The following PIEZO2 variants were observed in gnomAD, a reference collection of about 807,000 sequenced individuals.
The protein encoded by PIEZO2 is piezo type mechanosensitive ion channel component 2.
A neutral mutation model predicts 337.3 loss-of-function variants in PIEZO2; 172 were observed. The observed-to-expected ratio is 0.51, with a 90% CI of 0.45 to 0.58. The LOEUF is 0.58. PIEZO2 is among the 20% of genes least tolerant of loss of function. The pLI is 0.00. For synonymous variants in PIEZO2, 1,251 were observed against 1,228.5 expected, an observed-to-expected ratio of 1.02 and a Z score of -0.38; for missense variants, 3,028 against 3,391.3, an observed-to-expected ratio of 0.89 and a Z score of 2.66.
intron 2 of PIEZO2, among the ~76,000 whole-genome samples, chr18:11,000,698 A>T (rs1280691762): frequency 2.6e-5 from 4 of 152,224 alleles, no homozygotes; most frequent in Non-Finnish European, 5.9e-5. Context: ...GTACCTTGTA[A>T]TATCAGTGTC....
At chr18:11,034,153 T>C (rs2036838341) in intron 2 of PIEZO2, among the ~76,000 whole-genome samples, 1 of 151,666 alleles carries the variant, frequency 6.6e-6, no homozygotes, top group Admixed American at 6.6e-5. Flanking sequence ...CTTATTGTGC[T>C]GCTCCTCTCT....
intron 3 of PIEZO2, among the ~76,000 whole-genome samples, chr18:10,967,262 C>A (rs1462358412): frequency 6.6e-6 from 1 of 152,084 alleles, no homozygotes; most frequent in Non-Finnish European, 1.5e-5. Flanking sequence ...CATGATCCAC[C>A]TGCCTCGGCC....
At chr18:10,814,077 C>T (rs1352614148) in intron 7 of PIEZO2, among the ~76,000 whole-genome samples, 1 of 151,864 alleles carries the variant, frequency 6.6e-6, no homozygotes, top group East Asian at 1.9e-4. Context: ...ATGCCATCCT[C>T]CTGCCTCAGC....
At chr18:10,764,586 T>C (rs1024608714) in intron 21 of PIEZO2, among the ~76,000 whole-genome samples, 2 of 72,858 alleles carry the variant, frequency 2.7e-5, no homozygotes, top group Non-Finnish European at 5.2e-5. Context: ...TGACACTACG[T>C]CTCAAAAAAA....
At chr18:11,017,439 T>A (rs531580821) in intron 2 of PIEZO2, among the ~76,000 whole-genome samples, 1 of 151,926 alleles carries the variant, frequency 6.6e-6, no homozygotes, top group East Asian at 1.9e-4. Context: ...AACACAATCT[T>A]TATGAAAGCA....
At chr18:10,702,427 C>G (rs140488514) in intron 42 of PIEZO2, among the ~76,000 whole-genome samples, 34 of 152,244 alleles carry the variant, frequency 2.2e-4, no homozygotes, top group African/African-American at 8.2e-4. Context: ...CTCAGGGCAC[C>G]GCTTTGATTA....
At chr18:10,849,752 T>C (rs549157081) in intron 7 of PIEZO2, among the ~76,000 whole-genome samples, 1 of 152,232 alleles carries the variant, frequency 6.6e-6, no homozygotes, top group Non-Finnish European at 1.5e-5. Context: ...AAATTCCCTA[T>C]GAAAATACAA....
rs369864393 is a variant in PIEZO2, at chr18:10,895,985, G to A, written c.329+15201C>T. On this transcript the variant is annotated intron_variant, in intron 4 of 55. Coordinates refer to ENST00000674853, the MANE Select transcript of PIEZO2 (RefSeq NM_001378183.1). This position sits in a 1 kb window ranked among gnomAD's most constrained non-coding sequence, Gnocchi z 4.8. ...TGAGGCAAGAGAATCTCTTGAACCC[G>A]GGAGGCGAAGGTTGCAGTGAGCCAA... 7.9e-5 allele frequency among the ~76,000 whole-genome samples: 12 copies of A among 151,676 alleles called. No individual in the cohort carries two copies. The East Asian group carries it at 1.2e-3, about 15-fold the overall frequency.
chr18:10,867,885 C>A (rs2042046919), intron 5 of PIEZO2, among the ~76,000 whole-genome samples: 1 of 152,042 alleles, frequency 6.6e-6, no homozygotes, highest in African/African-American at 2.4e-5. Flanking sequence ...TTAAAATGAA[C>A]AAATGAGCAA....
chr18:10,780,289 G>T (rs750287198), intron 18 of PIEZO2, 36 bp downstream of exon 18: 5 of 702,386 alleles, frequency 7.1e-6, no homozygotes, highest in Admixed American at 2.0e-5. Context: ...AAATAGCTTC[G>T]AACAAAAATA....
chr18:10,759,805 T>G lies in PIEZO2; in HGVS notation c.3555A>C (p.Lys1185Asn). Residue 1185 changes from lysine (K) to asparagine (N), a missense_variant, in exon 25 of 56, where the codon AAA (lysine) becomes AAC (asparagine). By Grantham distance (94) the Lys-to-Asn change is moderately conservative. Around this residue, in one of 5 missense-constraint regions of PIEZO2, gnomAD observed 1,925 missense variants for 2,051.9 expected, o/e 0.94. Coordinates refer to ENST00000674853, the MANE Select transcript of PIEZO2 (RefSeq NM_001378183.1). This position sits in a 1 kb window ranked among gnomAD's most constrained non-coding sequence, Gnocchi z 5.5. ...ACTTGGGCCAGATCTCTGCGATGGC[T>G]TTCCTTCTGCGTCTATATAAGACAG... ...LIAVLYRRRR[K>N]AIAEIWPKYC... The G allele has an allele frequency of 6.5e-7, 1 of 1,537,366 alleles. No individual in the cohort carries two copies. The highest frequency in any genetic ancestry group is 1.2e-5 in the South Asian group (1 of 84,060).
At chr18:11,084,176 CAA>C (rs1161713844) in intron 1 of PIEZO2, among the ~76,000 whole-genome samples, 6,278 of 64,342 alleles carry the variant, frequency 0.098, 211 homozygotes, top group African/African-American at 0.23. Context: ...AACTCTGTCT[CAA>C]AAAAAAAAAA....
rs113367260 is a variant in PIEZO2 at position 10,989,451 on chromosome 18, G to A, written c.161-9791C>T. On this transcript the variant is annotated intron_variant, in intron 2 of 55. Coordinates refer to ENST00000674853, the MANE Select transcript of PIEZO2 (RefSeq NM_001378183.1). The stretch of plus-strand genomic sequence containing the variant: ...AATAACTGTGACTTTGGAGTGACGA[G>A]TGTGTTCTAAAGCAATACGCAAAAA... 1.1e-3 allele frequency among the ~76,000 whole-genome samples: 163 copies of A among 151,826 alleles called. 1 individual carries two copies. Among genetic ancestry groups the A allele is most frequent in the African/African-American group, 3.7e-3 (152 of 41,460 alleles).
At chr18:11,086,648 T>C (rs1029568366) in intron 1 of PIEZO2, among the ~76,000 whole-genome samples, 1 of 152,248 alleles carries the variant, frequency 6.6e-6, no homozygotes, top group Non-Finnish European at 1.5e-5. Context: ...TCAGGACTTA[T>C]TCTGAAGGAA....
chr18:10,959,020 A>C (rs1470890301), intron 3 of PIEZO2, among the ~76,000 whole-genome samples: 2 of 152,202 alleles, frequency 1.3e-5, no homozygotes, highest in East Asian at 3.8e-4. Flanking sequence ...TGTGACTGTT[A>C]CAATGTCTAC....
chr18:10,683,167 C>G (rs989345287), intron 49 of PIEZO2, among the ~76,000 whole-genome samples: 9 of 152,256 alleles, frequency 5.9e-5, no homozygotes, highest in Non-Finnish European at 1.2e-4. Flanking sequence ...TGTGATTTAT[C>G]TTCAGGAGGG....
chr18:10,890,079 C>T (rs264221), intron 4 of PIEZO2, among the ~76,000 whole-genome samples: 92,592 of 152,078 alleles, frequency 0.61, 28,351 homozygotes, highest in East Asian at 0.78. Context: ...TCCAACTGAC[C>T]AGCTCCTACT....
chr18:10,720,234 G>GCGTATATATATATATATA, intron 36 of PIEZO2, among the ~76,000 whole-genome samples: 1 of 119,914 alleles, frequency 8.3e-6, no homozygotes, highest in African/African-American at 3.3e-5. Context: ...GTGTGTGTGT[G>GCGTATATATATATATATA]TATATATATA....
rs1243522517 is a variant in PIEZO2, at chr18:11,110,267, G to A, written c.64+38258C>T. Among the ~76,000 whole-genome samples the A allele has an allele frequency of 6.6e-6, 1 of 152,178 alleles. No individual in the cohort carries two copies. Among genetic ancestry groups the A allele is most frequent in the Non-Finnish European group, 1.5e-5 (1 of 68,028 alleles). On this transcript the variant is annotated intron_variant, in intron 1 of 55. Coordinates refer to ENST00000674853, the MANE Select transcript of PIEZO2 (RefSeq NM_001378183.1). The surrounding 1 kb of genome is among the most constrained non-coding windows in gnomAD (Gnocchi z 4.2). ...CAAAGTGCTGGGACTACAGGTGCAA[G>A]CCTCCTCATTTTTCTAATAAACATA...
Sources: gnomAD v4.1 joint callset for allele counts (sites outside exome capture counted in the v4.1 genomes callset) on GRCh38, gnomAD v4.1.1 for gene constraint, gnomAD v4.1.1 regional missense constraint, Gnocchi (gnomAD v3.1) non-coding constraint, MANE v1.5 for transcripts, NCBI Gene and HGNC (gene_info 2026-07-23, HGNC 2026-07-21) for gene names.